WWOX: variants seen among roughly 807,000 people sequenced by gnomAD.
WWOX encodes the protein WW domain-containing oxidoreductase.
A neutral mutation model predicts 46.2 loss-of-function variants in WWOX; 69 were observed. The observed-to-expected ratio is 1.49, with a 90% confidence interval of 1.23 to 1.82. The LOEUF is 1.82. Among genes scored for constraint, WWOX ranks in the 40% most tolerant of loss-of-function variants. The probability of loss-of-function intolerance (pLI) is 0.00; values close to 1 mark genes in which losing one functional copy is unlikely to be tolerated. For missense variants in WWOX, 919 were observed against 542.6 expected (o/e 1.69, Z -6.89); for synonymous variants, 359 against 202.6 (o/e 1.77, Z -6.56).
chr16:79,052,061 T>TTAG lies in WWOX; in HGVS notation c.1057-159547_1057-159546insTAG, dbSNP rs397706391. ...TAATTTTTTTTTTTTAATTATACTT[T>TTAG]AAGTTTTAGGGTACATGTGCACGTT... is the stretch of plus-strand genomic sequence containing the variant. On this transcript the variant is annotated intron_variant, in intron 8 of 8. Coordinates refer to ENST00000566780, the MANE Select transcript of WWOX (RefSeq NM_016373.4). Among the ~76,000 whole-genome samples the TTAG allele has an allele frequency of 5.3e-5, 8 of 152,066 alleles. No homozygotes were observed. In the East Asian group the frequency reaches 1.5e-3, roughly 29 times the overall value.
At chr16:79,089,456 C>G (rs556642893) in intron 8 of WWOX, among the ~76,000 whole-genome samples, 1 of 151,770 alleles carries the variant, frequency 6.6e-6, no homozygotes, top group Admixed American at 6.6e-5. Flanking sequence ...CTCAGCCTCC[C>G]GAGTAGCTGG....
At position 79,165,145 on chromosome 16, in the gene WWOX, C is replaced by T. The variant is rs556375389; in HGVS notation, c.1057-46463C>T. ...TATGGAAGGTCTTCACAGATTAAAA[C>T]GAAGGAAAAAAAAAAAAAAAACTAG... On this transcript the variant is annotated intron_variant, in intron 8 of 8. Transcript: ENST00000566780. 4.6e-3 allele frequency among the ~76,000 whole-genome samples: 457 copies of T among 100,038 alleles called. 6 individuals are homozygous for T. The highest frequency in any genetic ancestry group is 0.019 in the African/African-American group (427 of 22,266). The allele number at this position is 100,038 out of a possible 152,430, so 65.6% of individuals were successfully genotyped here. A position where few individuals can be genotyped will look rare whatever the true frequency, so the allele number is the denominator to read the frequency against.
chr16:78,969,089 T>C lies in WWOX; in HGVS notation c.1057-242519T>C, dbSNP rs1171762299. On this transcript the variant is annotated intron_variant, in intron 8 of 8. Transcript: ENST00000566780. ...TTTCCTCCATTAGAGACCTGGCGTATAATTGTGGGAGGGAGAAGCCAGTGG... is the reference window on the plus strand; with the variant it reads ...TTTCCTCCATTAGAGACCTGGCGTACAATTGTGGGAGGGAGAAGCCAGTGG... Among the ~76,000 whole-genome samples, 4 of 152,062 alleles carry C rather than the reference T, an allele frequency of 2.6e-5. No individual in the cohort carries two copies. In the South Asian group the frequency reaches 8.3e-4, roughly 32 times the overall value.
At chr16:79,138,964 T>C (rs2050035349) in intron 8 of WWOX, among the ~76,000 whole-genome samples, 1 of 152,034 alleles carries the variant, frequency 6.6e-6, no homozygotes, top group Non-Finnish European at 1.5e-5. Flanking sequence ...TGCAGAGTCT[T>C]CCCCCATCCA....
At chr16:78,746,374 T>C (rs2049347296) in intron 8 of WWOX, among the ~76,000 whole-genome samples, 1 of 152,156 alleles carries the variant, frequency 6.6e-6, no homozygotes, top group Non-Finnish European at 1.5e-5. Context: ...GGTGCATGCC[T>C]GTAGTCTCAG....
intron 5 of WWOX, among the ~76,000 whole-genome samples, chr16:78,329,769 C>T (rs1353230213): frequency 6.8e-6 from 1 of 146,986 alleles, no homozygotes; most frequent in Non-Finnish European, 1.5e-5. Context: ...TTTTTTGAGA[C>T]AGGGCCTTGC....
chr16:78,839,815 C>T (rs778103693), intron 8 of WWOX, among the ~76,000 whole-genome samples: 10 of 152,240 alleles, frequency 6.6e-5, no homozygotes, highest in African/African-American at 2.2e-4. Context: ...CTCCTAAAAC[C>T]GTCTCATCAT....
intron 5 of WWOX, among the ~76,000 whole-genome samples, chr16:78,273,410 C>T (rs1001619601): frequency 5.3e-5 from 8 of 152,122 alleles, no homozygotes; most frequent in African/African-American, 1.7e-4. Context: ...TGCTTCTGTG[C>T]GAGCCTGACC....
chr16:78,506,315 A>G (rs1195953574), intron 8 of WWOX, among the ~76,000 whole-genome samples: 1 of 152,162 alleles, frequency 6.6e-6, no homozygotes, highest in African/African-American at 2.4e-5. Context: ...TCGGAAACGA[A>G]TCTGGTCAGT....
chr16:78,616,623 G>A (rs763863188), intron 8 of WWOX, among the ~76,000 whole-genome samples: 81 of 151,874 alleles, frequency 5.3e-4, no homozygotes, highest in Non-Finnish European at 8.1e-4. Flanking sequence ...TAAAAACTTA[G>A]CCAGGCTCGG....
chr16:78,460,364 C>G (rs1434936483), intron 8 of WWOX, among the ~76,000 whole-genome samples: 1 of 152,154 alleles, frequency 6.6e-6, no homozygotes, highest in Admixed American at 6.5e-5. Flanking sequence ...CTGACCTCTC[C>G]TCGGCCTTGC....
chr16:78,870,788 G>T (rs1214232149), intron 8 of WWOX, among the ~76,000 whole-genome samples: 1 of 152,194 alleles, frequency 6.6e-6, no homozygotes, highest in Non-Finnish European at 1.5e-5. Flanking sequence ...TTTTAGTAGA[G>T]ACGGGTTTTC....
intron 8 of WWOX, among the ~76,000 whole-genome samples, chr16:79,081,295 C>T (rs529594033): frequency 6.6e-6 from 1 of 152,268 alleles, no homozygotes; most frequent in Non-Finnish European, 1.5e-5. Context: ...TCCTAGGGAG[C>T]TGGGATTACA....
At chr16:78,686,381 G>A (rs1055961880) in intron 8 of WWOX, among the ~76,000 whole-genome samples, 5 of 151,994 alleles carry the variant, frequency 3.3e-5, no homozygotes, top group African/African-American at 1.2e-4. Flanking sequence ...CGTGGTGGCG[G>A]GCGCCTGTAG....
At position 78,811,424 on chromosome 16, in the gene WWOX, C is replaced by A. The variant is rs142838114; in HGVS notation, c.1056+378672C>A. 7.6e-4 allele frequency among the ~76,000 whole-genome samples: 116 copies of A among 152,156 alleles called. 2 individuals are homozygous for A. Among genetic ancestry groups the A allele is most frequent in the African/African-American group, 2.7e-3 (110 of 41,508 alleles). On this transcript the variant is annotated intron_variant, in intron 8 of 8. Coordinates refer to ENST00000566780, the MANE Select transcript of WWOX (RefSeq NM_016373.4). ...CTGTATCTATTAACTTTCTTCATCT[C>A]CCTCTTCCTCCCTTTCTTCCTTTCC...
At chr16:78,652,226 A>G (rs1363248684) in intron 8 of WWOX, among the ~76,000 whole-genome samples, 1 of 151,814 alleles carries the variant, frequency 6.6e-6, no homozygotes, top group East Asian at 1.9e-4. Context: ...CCTGGCCAAT[A>G]TGGTGAAACC....
At chr16:78,606,369 G>A (rs547476326) in intron 8 of WWOX, among the ~76,000 whole-genome samples, 1 of 151,936 alleles carries the variant, frequency 6.6e-6, no homozygotes, top group Non-Finnish European at 1.5e-5. Context: ...AAGTACAAAG[G>A]AAACGGTTAC....
intron 8 of WWOX, among the ~76,000 whole-genome samples, chr16:79,144,398 A>C (rs1169152834): frequency 4.6e-5 from 7 of 152,240 alleles, no homozygotes; most frequent in African/African-American, 1.7e-4. Context: ...AGCACTTCTC[A>C]GGTGATAGCT....
intron 8 of WWOX, among the ~76,000 whole-genome samples, chr16:79,033,719 C>G (rs1215664625): frequency 6.6e-6 from 1 of 152,208 alleles, no homozygotes; most frequent in Non-Finnish European, 1.5e-5. Context: ...CTCCTCATCA[C>G]CTCCCCAAGC....
Sources: gnomAD v4.1 joint callset for allele counts (sites outside exome capture counted in the v4.1 genomes callset) on GRCh38, gnomAD v4.1.1 for gene constraint, MANE v1.5 for transcripts, NCBI Gene and HGNC (gene_info 2026-07-23, HGNC 2026-07-21) for gene names.